WLS: variants seen among roughly 807,000 people sequenced by gnomAD.
The protein encoded by WLS is protein wntless homolog.
In WLS, 23 loss-of-function variants were observed where a neutral mutation model predicts 62.8. That is an observed-to-expected ratio of 0.37 (90% CI 0.26 to 0.52). The LOEUF (loss-of-function observed/expected upper bound fraction) is 0.52, where lower values mean the gene tolerates loss of function less well. Among genes scored for constraint, WLS ranks in the 20% least tolerant of loss-of-function variants. The probability of loss-of-function intolerance (pLI) is 0.92; values close to 1 mark genes in which losing one functional copy is unlikely to be tolerated. For missense variants in WLS, 615 were observed against 697.3 expected (o/e 0.88, Z 1.33); for synonymous variants, 246 against 244.1 (o/e 1.01, Z -0.07).
At position 68,150,457 on chromosome 1, in the gene WLS, T is replaced by C. The variant is rs1270657807; in HGVS notation, c.804-101A>G. ...GTTTTGAGACATGAGATGTTACTTA[T>C]TGGGTCTGAAGCCATATGATCAATT... On this transcript the variant is annotated intron_variant, in intron 5 of 11. Coordinates refer to ENST00000262348, the MANE Select transcript of WLS (RefSeq NM_024911.7). 7 of 1,489,704 alleles carry C rather than the reference T, an allele frequency of 4.7e-6. No individual in the cohort carries two copies. In the East Asian group the frequency reaches 6.8e-5, roughly 15 times the overall value. The allele number at this position is 1,489,704 out of a possible 1,614,324, so 92.3% of individuals were successfully genotyped here. A position where few individuals can be genotyped will look rare whatever the true frequency, so the allele number is the denominator to read the frequency against.
At chr1:68,124,297 ACT>A (rs1432099254), downstream of WLS, among the ~76,000 whole-genome samples, 2 of 151,878 alleles carry the variant, frequency 1.3e-5, no homozygotes, top group East Asian at 3.9e-4. Context: ...AAGTCTTGTA[ACT>A]CTTACCACAG....
chr1:68,158,588 G>A (rs114468748), intron 3 of WLS, among the ~76,000 whole-genome samples: 1 of 149,124 alleles, frequency 6.7e-6, no homozygotes, highest in Non-Finnish European at 1.5e-5. Context: ...TAGCTGATGA[G>A]CTAAAAAAAA....
At chr1:68,178,300 T>C (rs1191137637) in intron 2 of WLS, among the ~76,000 whole-genome samples, 1 of 152,250 alleles carries the variant, frequency 6.6e-6, no homozygotes, top group African/African-American at 2.4e-5. Flanking sequence ...TCTCCATGAA[T>C]TAGACTGTGA....
At chr1:68,196,322 T>G (rs1648656579) in intron 1 of WLS, among the ~76,000 whole-genome samples, 1 of 152,006 alleles carries the variant, frequency 6.6e-6, no homozygotes, top group Non-Finnish European at 1.5e-5. Context: ...CTAGTATATT[T>G]TAAAATAGAT....
chr1:68,222,479 C>G (rs1194901842), intron 1 of WLS, among the ~76,000 whole-genome samples: 1 of 152,070 alleles, frequency 6.6e-6, no homozygotes, highest in Non-Finnish European at 1.5e-5. Context: ...AAAAATCAAT[C>G]GAGCTATAAG....
intron 11 of WLS, chr1:68,098,768 A>G (rs1050553987): frequency 5.0e-6 from 8 of 1,613,070 alleles, no homozygotes; most frequent in Middle Eastern, 1.7e-4. Flanking sequence ...AAAATTCAGT[A>G]TATTTTAAAA....
At chr1:68,122,037 A>G (rs977091642), downstream of WLS, among the ~76,000 whole-genome samples, 6 of 152,252 alleles carry the variant, frequency 3.9e-5, no homozygotes, top group Non-Finnish European at 7.3e-5. Context: ...TGATGGAGCC[A>G]TAAGATATAT....
At chr1:68,143,583 T>C (rs971213137) in intron 10 of WLS, among the ~76,000 whole-genome samples, 1 of 152,218 alleles carries the variant, frequency 6.6e-6, no homozygotes, top group African/African-American at 2.4e-5. Context: ...TGTGTTACAA[T>C]TGCCTACAGT....
At chr1:68,118,153 A>G (rs1181365771) in intron 11 of WLS, among the ~76,000 whole-genome samples, 2 of 152,184 alleles carry the variant, frequency 1.3e-5, no homozygotes, top group African/African-American at 4.8e-5. Context: ...GCTAGTGACA[A>G]ATGGAGAAAA....
chr1:68,188,517 A>G (rs1476473580), intron 2 of WLS, among the ~76,000 whole-genome samples: 1 of 152,238 alleles, frequency 6.6e-6, no homozygotes, highest in Non-Finnish European at 1.5e-5. Flanking sequence ...TAAAGTAAAC[A>G]TCACAAGGCC....
intron 1 of WLS, among the ~76,000 whole-genome samples, chr1:68,218,688 GC>G (rs1039805701): frequency 1.9e-4 from 29 of 152,068 alleles, no homozygotes; most frequent in African/African-American, 6.5e-4. Context: ...CAAGTCACAG[GC>G]CTCCGTTCCT....
At chr1:68,196,190 A>G (rs1648650918) in intron 1 of WLS, among the ~76,000 whole-genome samples, 1 of 151,656 alleles carries the variant, frequency 6.6e-6, no homozygotes, top group Non-Finnish European at 1.5e-5. Context: ...ATGTGGACAG[A>G]ATTAGCATCC....
At position 68,144,762 on chromosome 1, in the gene WLS, T is replaced by C. The variant is rs1363707145; in HGVS notation, c.1279-110A>G. On this transcript the variant is annotated intron_variant, in intron 9 of 11. Coordinates refer to ENST00000262348, the MANE Select transcript of WLS (RefSeq NM_024911.7). Reference sequence around the variant, plus strand: ...AAAGAAATCTGTAAAACCAAATCCCTAAGAATGACAGTAAAATAGTTTCCC... The same window carrying C: ...AAAGAAATCTGTAAAACCAAATCCCCAAGAATGACAGTAAAATAGTTTCCC... 3.6e-6 allele frequency: 3 copies of C among 826,146 alleles called. No homozygotes were observed. In the Admixed American group the frequency reaches 8.1e-5, roughly 22 times the overall value. The allele number at this position is 826,146 out of a possible 1,614,324, so 51.2% of individuals were successfully genotyped here. A position where few individuals can be genotyped will look rare whatever the true frequency, so the allele number is the denominator to read the frequency against.
rs564003084 is a variant in WLS at position 68,178,370 on chromosome 1, T to C, written c.379+15585A>G. On this transcript the variant is annotated intron_variant, in intron 2 of 11. Transcript: ENST00000262348. ...ACTGTGCCTGGAATTGTGCTAAGGA[T>C]ATAACAATGAACAACACAGTGTCCC... Among the ~76,000 whole-genome samples, 18 of 152,272 alleles carry C rather than the reference T, an allele frequency of 1.2e-4. No individual in the cohort carries two copies. The East Asian group carries it at 2.9e-3, about 25-fold the overall frequency.
intron 11 of WLS, chr1:68,098,928 T>G: frequency 1.0e-6 from 1 of 999,328 alleles, no homozygotes; most frequent in Non-Finnish European, 1.4e-6. Context: ...CATTTGCAGA[T>G]TTCTCCCTTG....
At chr1:68,170,060 C>G (rs2195682) in intron 2 of WLS, among the ~76,000 whole-genome samples, 2 of 151,896 alleles carry the variant, frequency 1.3e-5, no homozygotes, top group East Asian at 1.9e-4. Flanking sequence ...TGGTAATGCC[C>G]TTCTCCTATC....
At chr1:68,196,306 G>A (rs1462483809) in intron 1 of WLS, among the ~76,000 whole-genome samples, 1 of 151,684 alleles carries the variant, frequency 6.6e-6, no homozygotes, top group Admixed American at 6.6e-5. Flanking sequence ...CTTTATGTGG[G>A]TCCTACTAGT....
intron 2 of WLS, among the ~76,000 whole-genome samples, chr1:68,181,483 G>C (rs2100568637): frequency 6.6e-6 from 1 of 152,310 alleles, no homozygotes. Context: ...ACCTAGTCTA[G>C]ATTCTAGACT....
intron 1 of WLS, among the ~76,000 whole-genome samples, chr1:68,200,161 TTA>T (rs1403301208): frequency 6.6e-6 from 1 of 152,134 alleles, no homozygotes; most frequent in Non-Finnish European, 1.5e-5. Flanking sequence ...TTAGAGAATT[TTA>T]TGTTTACAAT....
Sources: gnomAD v4.1 joint callset for allele counts (sites outside exome capture counted in the v4.1 genomes callset) on GRCh38, gnomAD v4.1.1 for gene constraint, MANE v1.5 for transcripts, NCBI Gene and HGNC (gene_info 2026-07-23, HGNC 2026-07-21) for gene names.